Variants in PCDH7 observed in about 807,000 individuals in gnomAD.
The protein encoded by PCDH7 is protocadherin-7.
A neutral mutation model predicts 58.9 loss-of-function variants in PCDH7; 17 were observed. The observed-to-expected ratio is 0.29, with a 90% CI of 0.20 to 0.43. The LOEUF (loss-of-function observed/expected upper bound fraction) is 0.43, where lower values mean the gene tolerates loss of function less well. Among genes scored for constraint, PCDH7 ranks in the 20% least tolerant of loss-of-function variants. The probability of loss-of-function intolerance (pLI) is 1.00; values close to 1 mark genes in which losing one functional copy is unlikely to be tolerated. For synonymous variants in PCDH7, 664 were observed against 616.4 expected (o/e 1.08, Z -1.14); for missense variants, 1,274 against 1,441.0 (o/e 0.88, Z 1.88).
chr4:30,968,302 C>A (rs201502184), intron 3 of PCDH7, among the ~76,000 whole-genome samples: 42,729 of 80,030 alleles, frequency 0.53, 10,913 homozygotes, highest in African/African-American at 0.7. Flanking sequence ...CTCTCTCTCT[C>A]TATATATATA....
At chr4:31,025,096 A>G (rs1203992491) in intron 3 of PCDH7, among the ~76,000 whole-genome samples, 2 of 152,144 alleles carry the variant, frequency 1.3e-5, no homozygotes, top group Non-Finnish European at 2.9e-5. Context: ...TTATGGAGAA[A>G]TCGTGATCCT....
rs567704538 is a variant in PCDH7, at chr4:31,140,695, A to G, written c.*8-1778A>G. ...TGCAGTTTGTTCATTTAAACCAACTAGATTACAAAAACCACTAATAAAATT... is the reference window on the plus strand; with the variant it reads ...TGCAGTTTGTTCATTTAAACCAACTGGATTACAAAAACCACTAATAAAATT... On this transcript the variant is annotated intron_variant, in intron 3 of 3. Transcript: ENST00000509759. Among the ~76,000 whole-genome samples, 4 of 152,188 alleles carry G rather than the reference A, an allele frequency of 2.6e-5. No individual in the cohort carries two copies. In the South Asian group the frequency reaches 8.3e-4, roughly 32 times the overall value.
chr4:31,058,396 TA>T lies in PCDH7; in HGVS notation c.*8-84074del, dbSNP rs371658914. On this transcript the variant is annotated intron_variant, in intron 3 of 3. Transcript: ENST00000509759. ...GGGTAAGCAATATTAATTTATTTGT[TA>T]AAGGCTTGTTGATATATGCCAGTCT... Among the ~76,000 whole-genome samples, 58 of 152,172 alleles carry T rather than the reference TA, an allele frequency of 3.8e-4. No homozygotes were observed. In the East Asian group the frequency reaches 0.011, roughly 28 times the overall value.
chr4:31,021,563 C>A (rs1754017783), intron 3 of PCDH7, among the ~76,000 whole-genome samples: 1 of 152,090 alleles, frequency 6.6e-6, no homozygotes, highest in Non-Finnish European at 1.5e-5. Flanking sequence ...GTGTGGGTGT[C>A]CTGGGGGTGG....
chr4:31,086,430 A>G (rs1363149150), intron 3 of PCDH7, among the ~76,000 whole-genome samples: 1 of 152,156 alleles, frequency 6.6e-6, no homozygotes, highest in Non-Finnish European at 1.5e-5. Flanking sequence ...ACCTCATCTC[A>G]TTATATATAC....
At position 31,111,122 on chromosome 4, in the gene PCDH7, G is replaced by A. The variant is rs952937697; in HGVS notation, c.*8-31351G>A. On this transcript the variant is annotated intron_variant, in intron 3 of 3. Coordinates refer to the PCDH7 transcript ENST00000509759. The stretch of plus-strand genomic sequence containing the variant: ...ATTAGTATATTTGTGAATTCATAAT[G>A]TACAATATATGGTTCATATTTATTC... Among the ~76,000 whole-genome samples, 5 of 152,004 alleles carry A rather than the reference G, an allele frequency of 3.3e-5. No individual in the cohort carries two copies. In the Middle Eastern group the frequency reaches 0.014, roughly 414 times the overall value.
Position 31,071,238 on chromosome 4 carries a change from G to A in PCDH7, c.*8-71235G>A, listed in dbSNP as rs1031946676. Among the ~76,000 whole-genome samples, 76 of 152,040 alleles carry A rather than the reference G, an allele frequency of 5.0e-4. 1 individual carries two copies. The highest frequency in any genetic ancestry group is 1.7e-3 in the African/African-American group (72 of 41,496). On this transcript the variant is annotated intron_variant, in intron 3 of 3. Coordinates refer to the PCDH7 transcript ENST00000509759. The stretch of plus-strand genomic sequence containing the variant: ...AGGGAATGCCTAGTATTAACTCACC[G>A]TGAGGCTGTTATTCTCCCAAAACCC...
chr4:31,018,495 A>G (rs1354375588), intron 3 of PCDH7, among the ~76,000 whole-genome samples: 4 of 152,200 alleles, frequency 2.6e-5, no homozygotes, highest in Admixed American at 2.6e-4. Flanking sequence ...TATATATGAT[A>G]TCTAGCTTTC....
chr4:30,960,110 G>A (rs931472410), intron 3 of PCDH7, among the ~76,000 whole-genome samples: 20 of 114,626 alleles, frequency 1.7e-4, no homozygotes, highest in African/African-American at 6.4e-4. Context: ...AGAAAGGAAG[G>A]AGGGAAGGAA....
chr4:30,941,815 T>C (rs964243264), intron 2 of PCDH7, among the ~76,000 whole-genome samples: 2 of 151,928 alleles, frequency 1.3e-5, no homozygotes, highest in South Asian at 2.1e-4. Flanking sequence ...ATCCTAGATA[T>C]GTGTGCTAGG....
At chr4:30,927,298 A>C (rs956402222) in intron 2 of PCDH7, among the ~76,000 whole-genome samples, 1 of 152,170 alleles carries the variant, frequency 6.6e-6, no homozygotes, top group African/African-American at 2.4e-5. Context: ...TTTATGTATA[A>C]AAAAACCTTG....
chr4:31,131,939 T>C (rs1719043570), intron 3 of PCDH7, among the ~76,000 whole-genome samples: 1 of 152,172 alleles, frequency 6.6e-6, no homozygotes, highest in Admixed American at 6.5e-5. Context: ...CTGTGATTTG[T>C]CCCTGTGCAA....
At chr4:30,788,715 T>G (rs1311861571) in intron 1 of PCDH7, among the ~76,000 whole-genome samples, 1 of 152,066 alleles carries the variant, frequency 6.6e-6, no homozygotes, top group East Asian at 1.9e-4. Flanking sequence ...CAGATTTGAC[T>G]GAGTTAATTA....
At chr4:31,052,309 A>C (rs1266659575) in intron 3 of PCDH7, among the ~76,000 whole-genome samples, 1 of 152,158 alleles carries the variant, frequency 6.6e-6, no homozygotes, top group Non-Finnish European at 1.5e-5. Context: ...GAGTAACATC[A>C]AACTTTAAGT....
intron 1 of PCDH7, among the ~76,000 whole-genome samples, chr4:30,866,302 C>G (rs919117373): frequency 4.6e-5 from 7 of 152,070 alleles, no homozygotes; most frequent in Non-Finnish European, 7.4e-5. Context: ...AACATATCTA[C>G]ATTATTTCAT....
intron 1 of PCDH7, among the ~76,000 whole-genome samples, chr4:30,862,009 A>G (rs1484478488): frequency 2.0e-5 from 3 of 152,130 alleles, no homozygotes; most frequent in African/African-American, 7.2e-5. Flanking sequence ...TGGCTTATCT[A>G]TTAGTAAAGC....
intron 3 of PCDH7, among the ~76,000 whole-genome samples, chr4:31,071,237 C>G (rs1000551506): frequency 1.3e-5 from 2 of 151,920 alleles, no homozygotes; most frequent in Non-Finnish European, 2.9e-5. Flanking sequence ...ATTAACTCAC[C>G]GTGAGGCTGT....
At chr4:30,868,080 G>A (rs1327350549) in intron 1 of PCDH7, among the ~76,000 whole-genome samples, 2 of 151,920 alleles carry the variant, frequency 1.3e-5, no homozygotes, top group Non-Finnish European at 2.9e-5. Context: ...CTACTTTTCA[G>A]TAGTCCTGTC....
Position 30,809,778 on chromosome 4 carries a change from C to T in PCDH7, c.70+85182C>T, listed in dbSNP as rs374115790. Among the ~76,000 whole-genome samples the T allele has an allele frequency of 1.9e-4, 29 of 152,154 alleles. 1 individual carries two copies. In the East Asian group the frequency reaches 4.6e-3, roughly 24 times the overall value. On this transcript the variant is annotated intron_variant, in intron 1 of 3. Coordinates refer to the PCDH7 transcript ENST00000509759. Reference sequence around the variant, plus strand: ...GATTTTTCCGTTTCCTTTTTACTTTCGACGCCCTAGTAAACATCTCGGGGT... The same window carrying T: ...GATTTTTCCGTTTCCTTTTTACTTTTGACGCCCTAGTAAACATCTCGGGGT...
Sources: allele counts gnomAD v4.1 joint callset (sites outside exome capture counted in the v4.1 genomes callset), GRCh38; gene constraint gnomAD v4.1.1; transcripts MANE v1.5; gene names NCBI Gene and HGNC (gene_info 2026-07-23, HGNC 2026-07-21).